Variants in KIRREL3 observed in about 807,000 individuals in gnomAD.
KIRREL3 encodes the protein kirre like nephrin family adhesion molecule 3.
A neutral mutation model predicts 89.7 loss-of-function variants in KIRREL3; 36 were observed. That is an observed-to-expected ratio of 0.40 (90% CI 0.31 to 0.53). The LOEUF is 0.53. KIRREL3 is among the 20% of genes least tolerant of loss of function. KIRREL3 has a pLI of 0.49. For synonymous variants in KIRREL3, 445 were observed against 441.4 expected, an observed-to-expected ratio of 1.01 and a Z score of -0.10; for missense variants, 864 against 1,056.6, an observed-to-expected ratio of 0.82 and a Z score of 2.53.
chr11:126,579,942 T>C lies in KIRREL3; in HGVS notation c.56-17030A>G, dbSNP rs1050534955. Among the ~76,000 whole-genome samples the C allele has an allele frequency of 6.6e-6, 1 of 152,006 alleles. No individual in the cohort carries two copies. Among genetic ancestry groups the C allele is most frequent in the Non-Finnish European group, 1.5e-5 (1 of 68,002 alleles). On this transcript the variant is annotated intron_variant, in intron 1 of 16. Coordinates refer to ENST00000525144, the MANE Select transcript of KIRREL3 (RefSeq NM_032531.4). This position sits in a 1 kb window ranked among gnomAD's most constrained non-coding sequence, Gnocchi z 5.3. ...CTCACTGGAAGCTCCACCTCCTGGA[T>C]TCACGCCATTCTCCTGCCTCAGCCT... is the stretch of plus-strand genomic sequence containing the variant.
chr11:126,488,949 C>T (rs377315825), intron 4 of KIRREL3, among the ~76,000 whole-genome samples: 6 of 152,364 alleles, frequency 3.9e-5, no homozygotes, highest in East Asian at 1.9e-4. Context: ...CCACGGGCCT[C>T]GGACCCTGGA....
In KIRREL3 at chr11:126,867,246, T is replaced by C. The variant is rs1944956970; in HGVS notation, c.55+133209A>G. ...CACACTCCTATCACACAGCCTGCCA[T>C]GGGGATAAAGGAAATTCTCCCGTTT... is the stretch of plus-strand genomic sequence containing the variant. On this transcript the variant is annotated intron_variant, in intron 1 of 16. Transcript: ENST00000525144. The surrounding 1 kb of genome is among the most constrained non-coding windows in gnomAD (Gnocchi z 4.7). Among the ~76,000 whole-genome samples, 1 of 152,236 alleles carries C rather than the reference T, an allele frequency of 6.6e-6. No individual in the cohort carries two copies.
In KIRREL3 at chr11:126,709,505, A is replaced by G. The variant is rs1947672707; in HGVS notation, c.56-146593T>C. 6.6e-6 allele frequency among the ~76,000 whole-genome samples: 1 copy of G among 152,210 alleles called. No homozygotes were observed. Among genetic ancestry groups the G allele is most frequent in the African/African-American group, 2.4e-5 (1 of 41,450 alleles). ...TGTGTCCCCAACATTCATATGCCCCAATACTTCAGAATGTGTCTATATTTG... is the reference window on the plus strand; with the variant it reads ...TGTGTCCCCAACATTCATATGCCCCGATACTTCAGAATGTGTCTATATTTG... On this transcript the variant is annotated intron_variant, in intron 1 of 16. Transcript: ENST00000525144. This position sits in a 1 kb window ranked among gnomAD's most constrained non-coding sequence, Gnocchi z 4.0.
rs553818439 is a variant in KIRREL3, at chr11:126,782,794, T to C, written c.55+217661A>G. 6.6e-6 allele frequency among the ~76,000 whole-genome samples: 1 copy of C among 152,336 alleles called. No individual in the cohort carries two copies. Among genetic ancestry groups the C allele is most frequent in the South Asian group, 2.1e-4 (1 of 4,824 alleles). ...GGAAATATTTATAGCTATGTATATG[T>C]GAGGGCTAATATACACACAGATATT... On this transcript the variant is annotated intron_variant, in intron 1 of 16. Transcript: ENST00000525144. This position sits in a 1 kb window ranked among gnomAD's most constrained non-coding sequence, Gnocchi z 4.1.
intron 1 of KIRREL3, among the ~76,000 whole-genome samples, chr11:126,584,349 G>A (rs970881222): frequency 5.3e-5 from 8 of 152,108 alleles, no homozygotes; most frequent in African/African-American, 7.2e-5. Flanking sequence ...ATTGCCTGGC[G>A]AGCGCCTGTG....
intron 6 of KIRREL3, among the ~76,000 whole-genome samples, chr11:126,457,544 G>C (rs1386741765): frequency 6.8e-6 from 1 of 148,092 alleles, no homozygotes; most frequent in African/African-American, 2.5e-5. Flanking sequence ...GAGAGAGAGA[G>C]AGACAAAGAT....
intron 1 of KIRREL3, among the ~76,000 whole-genome samples, chr11:126,966,509 T>C (rs987629566): frequency 6.6e-6 from 1 of 152,198 alleles, no homozygotes; most frequent in African/African-American, 2.4e-5. Context: ...AACTCTCACA[T>C]ACTGCCTGGC....
chr11:126,672,613 A>G (rs1021848959), intron 1 of KIRREL3, among the ~76,000 whole-genome samples: 2 of 152,192 alleles, frequency 1.3e-5, no homozygotes, highest in African/African-American at 4.8e-5. Context: ...AGGCCGTGAA[A>G]ATATTCTGTA....
rs781260676 is a variant in KIRREL3, at chr11:126,647,586, A to G, written c.56-84674T>C. On this transcript the variant is annotated intron_variant, in intron 1 of 16. Transcript: ENST00000525144. This position sits in a 1 kb window ranked among gnomAD's most constrained non-coding sequence, Gnocchi z 4.9. ...GTTTACAGCGAAGATCAAATCTGTC[A>G]GCAAATCCCTTTGGTTCTTCCTTCA... Among the ~76,000 whole-genome samples the G allele has an allele frequency of 3.3e-5, 5 of 152,240 alleles. No individual in the cohort carries two copies. The highest frequency in any genetic ancestry group is 2.0e-4 in the Admixed American group (3 of 15,288).
chr11:126,790,996 G>C (rs1418718725), intron 1 of KIRREL3, among the ~76,000 whole-genome samples: 2 of 152,162 alleles, frequency 1.3e-5, no homozygotes, highest in African/African-American at 2.4e-5. Flanking sequence ...GAGCAAACTG[G>C]GTGGTGTGGA....
rs575216679 is a variant in KIRREL3, at chr11:126,442,277, A to C, written c.1253-1728T>G. Among the ~76,000 whole-genome samples the C allele has an allele frequency of 1.9e-3, 266 of 142,350 alleles. 9 individuals are homozygous for C. In the East Asian group the frequency reaches 0.041, roughly 22 times the overall value. The allele number at this position is 142,350 out of a possible 152,430, so 93.4% of individuals were successfully genotyped here. A position where few individuals can be genotyped will look rare whatever the true frequency, so the allele number is the denominator to read the frequency against. On this transcript the variant is annotated intron_variant, in intron 10 of 16. Coordinates refer to ENST00000525144, the MANE Select transcript of KIRREL3 (RefSeq NM_032531.4). Reference sequence around the variant, plus strand: ...CTCCAGCTCAAAAAAAAAAAACAAAAAAAAAACAAAAAACCCAACATGCAC... The same window carrying C: ...CTCCAGCTCAAAAAAAAAAAACAAACAAAAAACAAAAAACCCAACATGCAC...
chr11:126,540,493 G>A (rs1393028433), intron 2 of KIRREL3, among the ~76,000 whole-genome samples: 1 of 152,234 alleles, frequency 6.6e-6, no homozygotes, highest in African/African-American at 2.4e-5. Context: ...CTTTAACGAA[G>A]AGCAATCGGG....
In KIRREL3 at chr11:126,955,808, T is replaced by C. The variant is rs1011819259; in HGVS notation, c.55+44647A>G. Among the ~76,000 whole-genome samples the C allele has an allele frequency of 3.9e-5, 6 of 152,202 alleles. No individual in the cohort carries two copies. Among genetic ancestry groups the C allele is most frequent in the Admixed American group, 2.0e-4 (3 of 15,286 alleles). On this transcript the variant is annotated intron_variant, in intron 1 of 16. Coordinates refer to ENST00000525144, the MANE Select transcript of KIRREL3 (RefSeq NM_032531.4). The surrounding 1 kb of genome is among the most constrained non-coding windows in gnomAD (Gnocchi z 4.6). ...AGAGAGAAGCATTCAGGGCTGATGT[T>C]CTGAATGGCAGTGCTGGGTTCTTAC... is the stretch of plus-strand genomic sequence containing the variant.
chr11:126,596,203 G>C (rs1195088772), intron 1 of KIRREL3, among the ~76,000 whole-genome samples: 1 of 152,206 alleles, frequency 6.6e-6, no homozygotes, highest in Non-Finnish European at 1.5e-5. Flanking sequence ...GACATCCAGT[G>C]TTCATGCCCA....
intron 1 of KIRREL3, among the ~76,000 whole-genome samples, chr11:126,634,992 A>G (rs1427244): frequency 0.21 from 31,285 of 152,194 alleles, 3,353 homozygotes; most frequent in East Asian, 0.4. Context: ...TGCTCCACTC[A>G]GCAAGTGGGG....
rs1378543076 is a variant in KIRREL3 at position 126,710,283 on chromosome 11, G to A, written c.56-147371C>T. On this transcript the variant is annotated intron_variant, in intron 1 of 16. Coordinates refer to ENST00000525144, the MANE Select transcript of KIRREL3 (RefSeq NM_032531.4). The surrounding 1 kb of genome is among the most constrained non-coding windows in gnomAD (Gnocchi z 4.2). ...GGGGGCATGTTCACTGAACTCATGA[G>A]GTCAGAACACAGGACTTCACAAAGC... 2.0e-5 allele frequency among the ~76,000 whole-genome samples: 3 copies of A among 152,154 alleles called. No individual in the cohort carries two copies. Among genetic ancestry groups the A allele is most frequent in the African/African-American group, 7.2e-5 (3 of 41,438 alleles).
In KIRREL3 at chr11:126,943,951, A is replaced by T. The variant is rs774949759; in HGVS notation, c.55+56504T>A. On this transcript the variant is annotated intron_variant, in intron 1 of 16. Coordinates refer to ENST00000525144, the MANE Select transcript of KIRREL3 (RefSeq NM_032531.4). This position sits in a 1 kb window ranked among gnomAD's most constrained non-coding sequence, Gnocchi z 4.2. ...CCAAAATATGTCACCTTGGCATTTG[A>T]CAAAACAGCAGAGGCAGGAAGTTTG... is the stretch of plus-strand genomic sequence containing the variant. Among the ~76,000 whole-genome samples, 1 of 152,158 alleles carries T rather than the reference A, an allele frequency of 6.6e-6. No homozygotes were observed. The highest frequency in any genetic ancestry group is 2.4e-5 in the African/African-American group (1 of 41,446).
At position 126,884,270 on chromosome 11, in the gene KIRREL3, G is replaced by T. The variant is rs1010684190; in HGVS notation, c.55+116185C>A. On this transcript the variant is annotated intron_variant, in intron 1 of 16. Coordinates refer to ENST00000525144, the MANE Select transcript of KIRREL3 (RefSeq NM_032531.4). ...TTAAACAATCCCTCCAGATGACTCT[G>T]CTGGAAGCAGCTCTAGGATTGTCAT... 5.9e-5 allele frequency among the ~76,000 whole-genome samples: 9 copies of T among 152,158 alleles called. No homozygotes were observed. In the East Asian group the frequency reaches 1.7e-3, roughly 29 times the overall value.
rs1026452216 is a variant in KIRREL3 at position 126,683,652 on chromosome 11, G to GT, written c.56-120741dup. On this transcript the variant is annotated intron_variant, in intron 1 of 16. Transcript: ENST00000525144. This position sits in a 1 kb window ranked among gnomAD's most constrained non-coding sequence, Gnocchi z 5.2. Reference sequence around the variant, plus strand: ...TGGCCAGGGCATTGACGGCAGAATCGTAAGGATCACAGAGACCTCAGGAAC... The same window carrying GT: ...TGGCCAGGGCATTGACGGCAGAATCGTTAAGGATCACAGAGACCTCAGGAAC... Among the ~76,000 whole-genome samples the GT allele has an allele frequency of 6.6e-6, 1 of 152,208 alleles. No homozygotes were observed. Among genetic ancestry groups the GT allele is most frequent in the Non-Finnish European group, 1.5e-5 (1 of 68,044 alleles).
Sources: gnomAD v4.1 joint callset for allele counts (sites outside exome capture counted in the v4.1 genomes callset) on GRCh38, gnomAD v4.1.1 for gene constraint, Gnocchi (gnomAD v3.1) non-coding constraint, MANE v1.5 for transcripts, NCBI Gene and HGNC (gene_info 2026-07-23, HGNC 2026-07-21) for gene names.